FNDC9: variants seen among roughly 807,000 people sequenced by gnomAD.
The protein encoded by FNDC9 is fibronectin type III domain-containing protein 9.
Under a neutral mutation model 9.0 loss-of-function variants are expected in FNDC9, and 3 were observed. The ratio of observed to expected loss-of-function variants is 0.33; its 90% CI spans 0.15 to 0.86. The LOEUF is 0.86. Ranked by LOEUF, FNDC9 falls within the 40% of genes least tolerant of loss-of-function variation. The probability of loss-of-function intolerance (pLI) is 0.53; values close to 1 mark genes in which losing one functional copy is unlikely to be tolerated. For missense variants in FNDC9, 279 were observed against 287.2 expected (o/e 0.97, Z 0.21); for synonymous variants, 114 against 115.6 (o/e 0.99, Z 0.09).
rs1321291282 is a variant in FNDC9, at chr5:157,343,507, A to G, written c.30T>C (p.Tyr10=). Residue 10 remains tyrosine (Y), a synonymous_variant, in exon 2 of 2, where the codon TAT becomes TAC. Transcript: ENST00000312349. The part of the protein sequence containing the change: MNIEVGNIS[Y]TGAIISWSSS... ...ACGACCAGGAGATGATGGCTCCTGT[A>G]TAAGAAATGTTCCCCACCTCGATGT... 2 of 1,584,112 alleles carry G rather than the reference A, an allele frequency of 1.3e-6. No homozygotes were observed. Among genetic ancestry groups the G allele is most frequent in the Non-Finnish European group, 1.7e-6 (2 of 1,160,782 alleles).
Position 157,342,716 on chromosome 5 carries a change from A to C in FNDC9, c.*146T>G. ...ATTTTCCAGCTTGAGAAGCTTTGTC[A>C]TGGGGCATTCATCCAACCCAGGTGA... On this transcript the variant is annotated 3_prime_UTR_variant, in exon 2 of 2. Transcript: ENST00000312349. The C allele has an allele frequency of 3.9e-6, 3 of 777,616 alleles. No individual in the cohort carries two copies. The highest frequency in any genetic ancestry group is 5.9e-6 in the Non-Finnish European group (3 of 505,884). 48.2% of individuals were successfully genotyped at this position (777,616 alleles called of 1,614,324 possible). A position where few individuals can be genotyped will look rare whatever the true frequency, so the allele number is the denominator to read the frequency against.
At chr5:157,345,220 C>T (rs1368542350) in intron 1 of FNDC9, among the ~76,000 whole-genome samples, 5 of 152,228 alleles carry the variant, frequency 3.3e-5, no homozygotes, top group African/African-American at 4.8e-5. Flanking sequence ...AGGCAGCCAC[C>T]TGTGTAAAAC....
chr5:157,344,663 T>C (rs1284747647), intron 1 of FNDC9, among the ~76,000 whole-genome samples: 1 of 152,232 alleles, frequency 6.6e-6, no homozygotes, highest in Non-Finnish European at 1.5e-5. Context: ...GAGACAGTCA[T>C]AGTCAGCCTA....
rs1286494475 is a variant in FNDC9 at position 157,342,329 on chromosome 5, G to A, written c.*533C>T. The A allele has an allele frequency of 1.3e-5, 2 of 152,718 alleles. No individual in the cohort carries two copies. The highest frequency in any genetic ancestry group is 6.5e-5 in the Admixed American group (1 of 15,290). The allele number at this position is 152,718 out of a possible 1,614,324, so 9.5% of individuals were successfully genotyped here. On this transcript the variant is annotated 3_prime_UTR_variant, in exon 2 of 2. Transcript: ENST00000312349. ...TTAATAATAGTGAAGATAATCCATG[G>A]TTTTAAAAAATAGAGAGCGGTGGTA...
rs1193379119 is a variant in FNDC9, at chr5:157,342,936, C to T, written c.601G>A (p.Asp201Asn). The change falls in exon 2 of 2, where the codon GAT (aspartate) becomes AAT (asparagine). Residue 201 changes from aspartate to asparagine, a missense_variant. Coordinates refer to ENST00000312349, the MANE Select transcript of FNDC9 (RefSeq NM_001001343.4). The stretch of plus-strand genomic sequence containing the variant: ...TGTAAGGCACCCGCATCAGGGGCAT[C>T]CTGGTTGGCTTCGGGATCCAGTTCA... ...GAELDPEANQ[D>N]APDAGALQRG... is the part of the protein sequence containing the mutation. 1 of 1,614,222 alleles carries T rather than the reference C, an allele frequency of 6.2e-7. No individual in the cohort carries two copies.
In FNDC9 at chr5:157,342,138, A is replaced by T. The variant is rs747784714; in HGVS notation, c.*724T>A. The T allele has an allele frequency of 6.6e-6, 1 of 152,650 alleles. No homozygotes were observed. The highest frequency in any genetic ancestry group is 1.5e-5 in the Non-Finnish European group (1 of 68,038). The allele number at this position is 152,650 out of a possible 1,614,324, so 9.5% of individuals were successfully genotyped here. A position where few individuals can be genotyped will look rare whatever the true frequency, so the allele number is the denominator to read the frequency against. ...AATCACTGGCAGGCAATAGAAGCTA[A>T]GTCAGATTATTTAATATTATCTTGT... On this transcript the variant is annotated 3_prime_UTR_variant, in exon 2 of 2. Transcript: ENST00000312349.
chr5:157,342,751 G>A lies in FNDC9; in HGVS notation c.*111C>T. The stretch of plus-strand genomic sequence containing the variant: ...CATCCAACCCAGGTGACCTACAATA[G>A]CAGTGACGTTTGATGGGAGAGAAAT... On this transcript the variant is annotated 3_prime_UTR_variant, in exon 2 of 2. Coordinates refer to ENST00000312349, the MANE Select transcript of FNDC9 (RefSeq NM_001001343.4). 1 of 1,086,856 alleles carries A rather than the reference G, an allele frequency of 9.2e-7. No individual in the cohort carries two copies. The highest frequency in any genetic ancestry group is 1.3e-6 in the Non-Finnish European group (1 of 778,812). The allele number at this position is 1,086,856 out of a possible 1,614,324, so 67.3% of individuals were successfully genotyped here. A position where few individuals can be genotyped will look rare whatever the true frequency, so the allele number is the denominator to read the frequency against.
intron 1 of FNDC9, among the ~76,000 whole-genome samples, chr5:157,345,204 C>G (rs1352992022): frequency 6.6e-6 from 1 of 152,210 alleles, no homozygotes; most frequent in East Asian, 1.9e-4. Flanking sequence ...GAGCTTAATT[C>G]ATTATAGGCA....
Position 157,342,716 on chromosome 5 carries a change from A to T in FNDC9, c.*146T>A, listed in dbSNP as rs1762361258. ...ATTTTCCAGCTTGAGAAGCTTTGTC[A>T]TGGGGCATTCATCCAACCCAGGTGA... On this transcript the variant is annotated 3_prime_UTR_variant, in exon 2 of 2. Coordinates refer to ENST00000312349, the MANE Select transcript of FNDC9 (RefSeq NM_001001343.4). 1 of 777,498 alleles carries T rather than the reference A, an allele frequency of 1.3e-6. No individual in the cohort carries two copies. The highest frequency in any genetic ancestry group is 1.7e-5 in the African/African-American group (1 of 57,250). 48.2% of individuals were successfully genotyped at this position (777,498 alleles called of 1,614,324 possible).
At chr5:157,345,231 C>G (rs1301016964) in intron 1 of FNDC9, 1 of 152,202 alleles carries the variant, frequency 6.6e-6, no homozygotes, top group Non-Finnish European at 1.5e-5. Flanking sequence ...TGTGTAAAAC[C>G]TTTCCATCAG....
intron 1 of FNDC9, among the ~76,000 whole-genome samples, chr5:157,343,852 T>C (rs1215411990): frequency 6.6e-6 from 1 of 152,076 alleles, no homozygotes; most frequent in Non-Finnish European, 1.5e-5. Context: ...AAGGGGATTG[T>C]TCTCATCCCC....
rs980855408 is a variant in FNDC9, at chr5:157,342,661, G to A, written c.*201C>T. On this transcript the variant is annotated 3_prime_UTR_variant, in exon 2 of 2. Transcript: ENST00000312349. ...GTGGACGCTGCTGCTGAGATGCCTCGTTTGTGCCTTGGCATACCCTGGGGG... is the reference window on the plus strand; with the variant it reads ...GTGGACGCTGCTGCTGAGATGCCTCATTTGTGCCTTGGCATACCCTGGGGG... 5 of 523,736 alleles carry A rather than the reference G, an allele frequency of 9.5e-6. No individual in the cohort carries two copies. Among genetic ancestry groups the A allele is most frequent in the Non-Finnish European group, 1.7e-5 (5 of 300,370 alleles). 32.4% of individuals were successfully genotyped at this position (523,736 alleles called of 1,614,324 possible).
At position 157,342,728 on chromosome 5, in the gene FNDC9, T is replaced by C; in HGVS notation, c.*134A>G. The C allele has an allele frequency of 1.1e-6, 1 of 912,032 alleles. No individual in the cohort carries two copies. Among genetic ancestry groups the C allele is most frequent in the Non-Finnish European group, 1.6e-6 (1 of 626,336 alleles). The allele number at this position is 912,032 out of a possible 1,614,324, so 56.5% of individuals were successfully genotyped here. On this transcript the variant is annotated 3_prime_UTR_variant, in exon 2 of 2. Transcript: ENST00000312349. ...GAGAAGCTTTGTCATGGGGCATTCA[T>C]CCAACCCAGGTGACCTACAATAGCA... is the stretch of plus-strand genomic sequence containing the variant.
rs139381072 is a variant in FNDC9, at chr5:157,345,316, C to G, written c.-8+225G>C. ...TCCTATCTGCCACTAGCTGTCTGTA[C>G]AGATGGAATTACCTCAGCAGACATT... On this transcript the variant is annotated intron_variant, in intron 1 of 1. Transcript: ENST00000312349. 4 of 152,636 alleles carry G rather than the reference C, an allele frequency of 2.6e-5. No individual in the cohort carries two copies. The East Asian group carries it at 7.7e-4, about 29-fold the overall frequency. The allele number at this position is 152,636 out of a possible 1,614,324, so 9.5% of individuals were successfully genotyped here.
rs947503325 is a variant in FNDC9, at chr5:157,345,637, T to C, written c.-104A>G. 10 of 152,714 alleles carry C rather than the reference T, an allele frequency of 6.5e-5. No homozygotes were observed. The highest frequency in any genetic ancestry group is 2.4e-4 in the African/African-American group (10 of 41,458). 9.5% of individuals were successfully genotyped at this position (152,714 alleles called of 1,614,324 possible). On this transcript the variant is annotated 5_prime_UTR_variant, in exon 1 of 2. Transcript: ENST00000312349. ...GCCTTCTCCCTCCTCTGCTCTGGGC[T>C]TTCCGTGTTGTTTCTCTCAACACTG...
chr5:157,343,235 G>A lies in FNDC9; in HGVS notation c.302C>T (p.Ala101Val). The A allele has an allele frequency of 6.2e-7, 1 of 1,614,224 alleles. No homozygotes were observed. The highest frequency in any genetic ancestry group is 1.1e-5 in the South Asian group (1 of 91,082). ...GGGGTCTACCAGGGAGCTTCCAGGA[G>A]CCAGCGGACTCTTATCCAGGGTGTG... is the stretch of plus-strand genomic sequence containing the variant. ...MFHTLDKSPL[A>V]PGSSLVDPQI... Residue 101 changes from alanine to valine, a missense_variant, in exon 2 of 2, where the codon GCT becomes GTT. By Grantham distance (64) the Ala-to-Val change is moderately conservative (BLOSUM62 0). Coordinates refer to ENST00000312349, the MANE Select transcript of FNDC9 (RefSeq NM_001001343.4).
intron 1 of FNDC9, 124 bp from the exon 2 acceptor site, chr5:157,343,667 A>C: frequency 1.3e-6 from 1 of 793,962 alleles, no homozygotes; most frequent in East Asian, 2.7e-5. Context: ...TTACAGACAA[A>C]GAAATGGAGG....
Position 157,343,225 on chromosome 5 carries a change from G to C in FNDC9, c.312C>G (p.Ser104Arg). 6.2e-7 allele frequency: 1 copy of C among 1,614,240 alleles called. No homozygotes were observed. The highest frequency in any genetic ancestry group is 1.1e-5 in the South Asian group (1 of 91,086). The change falls in exon 2 of 2, where the codon AGC becomes AGG. Residue 104 changes from serine (S) to arginine (R), a missense_variant. By Grantham distance (110) the Ser-to-Arg change is moderately radical. Transcript: ENST00000312349. The stretch of plus-strand genomic sequence containing the variant: ...GGGAGATCTGGGGGTCTACCAGGGA[G>C]CTTCCAGGAGCCAGCGGACTCTTAT... ...TLDKSPLAPG[S>R]SLVDPQISLW...
rs200821834 is a variant in FNDC9, at chr5:157,343,070, T to C, written c.467A>G (p.Asn156Ser). The C allele has an allele frequency of 6.9e-5, 111 of 1,614,080 alleles. No individual in the cohort carries two copies. Among genetic ancestry groups the C allele is most frequent in the Non-Finnish European group, 9.1e-5 (107 of 1,180,028 alleles). ...SYRAGHMEEA[N>S]GLVRWPEEAP... ...CTCCTCTGGCCATCTCACCAACCCA[T>C]TGGCCTCCTCCATGTGGCCAGCCCT... The change falls in exon 2 of 2, where the codon AAT becomes AGT. Residue 156 changes from asparagine (N) to serine (S), a missense_variant. Asn to Ser is a conservative substitution (Grantham distance 46). Coordinates refer to ENST00000312349, the MANE Select transcript of FNDC9 (RefSeq NM_001001343.4).
Sources: gnomAD v4.1 joint callset for allele counts (sites outside exome capture counted in the v4.1 genomes callset) on GRCh38, gnomAD v4.1.1 for gene constraint, MANE v1.5 for transcripts, NCBI Gene and HGNC (gene_info 2026-07-23, HGNC 2026-07-21) for gene names.